The following CXCL13 variants were observed in gnomAD, a reference collection of about 807,000 sequenced individuals.
CXCL13 encodes C-X-C motif chemokine 13.
Under a neutral mutation model 12.2 loss-of-function variants are expected in CXCL13, and 7 were observed. The ratio of observed to expected loss-of-function variants is 0.57; its 90% CI spans 0.33 to 1.07. The LOEUF is 1.07. Among genes scored for constraint, CXCL13 ranks in the 50% least tolerant of loss-of-function variants. The pLI, the probability that CXCL13 is intolerant of heterozygous loss-of-function variation, is 0.04. For synonymous variants in CXCL13, 47 were observed against 42.4 expected, an observed-to-expected ratio of 1.11 and a Z score of -0.42; for missense variants, 113 against 127.4, an observed-to-expected ratio of 0.89 and a Z score of 0.55.
At position 77,610,616 on chromosome 4, in the gene CXCL13, T is replaced by C. The variant is rs1727121903; in HGVS notation, c.200T>C (p.Val67Ala). The C allele has an allele frequency of 6.2e-7, 1 of 1,608,030 alleles. No homozygotes were observed. The change falls in exon 3 of 4, where the codon GTC (valine) becomes GCC (alanine). Residue 67 changes from valine to alanine, a missense_variant and splice_region_variant. Coordinates refer to ENST00000682537, the MANE Select transcript of CXCL13 (RefSeq NM_001371558.1). ...ATTTAATTTTTATTTTCCCCCAGAG[T>C]CTGGAAGAAGAACAAGTCAATTGTG... ...GNGCPRKEII[V>A]WKKNKSIVCV...
chr4:77,593,632 C>A (rs1220196666), intron 1 of CXCL13, among the ~76,000 whole-genome samples: 5 of 152,178 alleles, frequency 3.3e-5, no homozygotes, highest in Non-Finnish European at 7.3e-5. Context: ...CTTGTAATAT[C>A]CCTGCATATC....
intron 1 of CXCL13, among the ~76,000 whole-genome samples, chr4:77,578,127 G>A (rs912116455): frequency 4.7e-4 from 72 of 152,132 alleles, no homozygotes; most frequent in Non-Finnish European, 1.2e-4. Flanking sequence ...CAGGATTTTG[G>A]CCTCCCTCTC....
intron 1 of CXCL13, among the ~76,000 whole-genome samples, chr4:77,567,574 G>A (rs1725969056): frequency 6.6e-6 from 1 of 152,084 alleles, no homozygotes; most frequent in Non-Finnish European, 1.5e-5. Flanking sequence ...GTTTTACAAG[G>A]TACAGGTCAG....
chr4:77,530,822 G>C (rs1182351611), intron 1 of CXCL13, among the ~76,000 whole-genome samples: 1 of 152,000 alleles, frequency 6.6e-6, no homozygotes, highest in Admixed American at 6.6e-5. Context: ...GCTAGCTTTT[G>C]TATGTGTTTG....
At chr4:77,545,115 T>C (rs1275731473) in intron 1 of CXCL13, among the ~76,000 whole-genome samples, 1 of 151,546 alleles carries the variant, frequency 6.6e-6, no homozygotes, top group East Asian at 1.9e-4. Context: ...TATCTCTGTT[T>C]TGGTAATAGT....
intron 1 of CXCL13, among the ~76,000 whole-genome samples, chr4:77,573,614 C>A (rs1479341061): frequency 1.3e-5 from 2 of 151,654 alleles, no homozygotes; most frequent in Admixed American, 1.3e-4. Flanking sequence ...AGAAGATATT[C>A]TTTTATTTTA....
At chr4:77,605,445 A>G (rs898044142), upstream of CXCL13, among the ~76,000 whole-genome samples, 12 of 152,268 alleles carry the variant, frequency 7.9e-5, no homozygotes, top group African/African-American at 2.2e-4. Flanking sequence ...GGAGTCCCCA[A>G]TGTCATGGAG....
At chr4:77,605,374 TA>T (rs769749111), upstream of CXCL13, among the ~76,000 whole-genome samples, 1 of 152,230 alleles carries the variant, frequency 6.6e-6, no homozygotes, top group Non-Finnish European at 1.5e-5. Context: ...TGCAAATATT[TA>T]CTGAGCACCT....
intron 1 of CXCL13, among the ~76,000 whole-genome samples, chr4:77,595,687 C>G (rs1403754205): frequency 6.6e-6 from 1 of 152,168 alleles, no homozygotes; most frequent in Non-Finnish European, 1.5e-5. Context: ...AAAGAGCACC[C>G]TAATAATGAA....
At chr4:77,540,301 G>C (rs1725168733) in intron 1 of CXCL13, among the ~76,000 whole-genome samples, 1 of 152,120 alleles carries the variant, frequency 6.6e-6, no homozygotes, top group Non-Finnish European at 1.5e-5. Context: ...TACATGTGCA[G>C]GTTTGTTACC....
At chr4:77,563,114 A>G (rs1220245463) in intron 1 of CXCL13, among the ~76,000 whole-genome samples, 4 of 152,168 alleles carry the variant, frequency 2.6e-5, no homozygotes, top group African/African-American at 9.7e-5. Context: ...CAGTGAGACT[A>G]GAAACCCACC....
chr4:77,536,704 A>G (rs944412276), intron 1 of CXCL13, among the ~76,000 whole-genome samples: 5 of 152,248 alleles, frequency 3.3e-5, no homozygotes, highest in African/African-American at 1.2e-4. Flanking sequence ...TGTGGCAAAG[A>G]AACAAGAGGA....
intron 1 of CXCL13, among the ~76,000 whole-genome samples, chr4:77,519,521 G>T (rs1014916048): frequency 6.6e-6 from 1 of 152,130 alleles, no homozygotes; most frequent in South Asian, 2.1e-4. Context: ...GTCCTCTTTT[G>T]AGAAGTGTCT....
intron 1 of CXCL13, among the ~76,000 whole-genome samples, chr4:77,543,377 T>C (rs1027627109): frequency 4.6e-5 from 7 of 152,146 alleles, no homozygotes; most frequent in African/African-American, 1.7e-4. Context: ...GCTCTGAGTT[T>C]AGTTCTTTTC....
chr4:77,567,333 G>T (rs1000189905), intron 1 of CXCL13, among the ~76,000 whole-genome samples: 1 of 152,180 alleles, frequency 6.6e-6, no homozygotes, highest in Admixed American at 6.5e-5. Flanking sequence ...CTCACACAAT[G>T]CCTATTTGGT....
Position 77,546,648 on chromosome 4 carries a change from G to A in CXCL13, c.-43+34860G>A, listed in dbSNP as rs572804508. Among the ~76,000 whole-genome samples the A allele has an allele frequency of 4.1e-4, 63 of 151,936 alleles. 1 individual carries two copies. In the South Asian group the frequency reaches 4.6e-3, roughly 11 times the overall value. On this transcript the variant is annotated intron_variant, in intron 1 of 4. Transcript: ENST00000286758. ...TGATTCTTCTCTATTTTCTTTATTA[G>A]TCTTGCTAGCGGTCTATTTTGTTGA...
At chr4:77,538,975 G>T (rs1346330690) in intron 1 of CXCL13, among the ~76,000 whole-genome samples, 2 of 152,050 alleles carry the variant, frequency 1.3e-5, no homozygotes, top group Non-Finnish European at 2.9e-5. Flanking sequence ...AGTTTATTAA[G>T]CTTTAGAGCA....
chr4:77,523,500 A>C (rs1178938593), intron 1 of CXCL13, among the ~76,000 whole-genome samples: 7 of 152,122 alleles, frequency 4.6e-5, no homozygotes, highest in Non-Finnish European at 8.8e-5. Context: ...ACTTGATCAA[A>C]TCAGCTACTG....
intron 1 of CXCL13, among the ~76,000 whole-genome samples, chr4:77,551,723 A>G (rs966064565): frequency 6.6e-6 from 1 of 152,222 alleles, no homozygotes. Flanking sequence ...AGGAATGTCA[A>G]TAATTCATAA....
Sources: gnomAD v4.1 joint callset for allele counts (sites outside exome capture counted in the v4.1 genomes callset) on GRCh38, gnomAD v4.1.1 for gene constraint, MANE v1.5 for transcripts, NCBI Gene and HGNC (gene_info 2026-07-23, HGNC 2026-07-21) for gene names.